Variants in PIK3C2G observed in about 807,000 individuals in gnomAD.
The protein encoded by PIK3C2G is phosphatidylinositol 3-kinase C2 domain-containing subunit gamma.
PIK3C2G carries 168 observed loss-of-function variants against 181.1 expected under a neutral mutation model. That is an observed-to-expected ratio of 0.93 (90% CI 0.82 to 1.05). PIK3C2G has a LOEUF of 1.05. PIK3C2G is among the 50% of genes least tolerant of loss of function. PIK3C2G has a pLI of 0.00. For synonymous variants in PIK3C2G, 573 were observed against 592.2 expected (o/e 0.97, Z 0.47); for missense variants, 1,869 against 1,732.8 (o/e 1.08, Z -1.40).
chr12:18,590,980 T>G (rs1399505079), intron 29 of PIK3C2G, among the ~76,000 whole-genome samples: 1 of 151,946 alleles, frequency 6.6e-6, no homozygotes, highest in Non-Finnish European at 1.5e-5. Context: ...TATTGAAGTT[T>G]AATAACCATT....
At chr12:18,555,861 T>A (rs1944982484) in intron 26 of PIK3C2G, among the ~76,000 whole-genome samples, 1 of 152,164 alleles carries the variant, frequency 6.6e-6, no homozygotes, top group Admixed American at 6.5e-5. Flanking sequence ...ATGAGTAGAA[T>A]TCTTCAGTTA....
At chr12:18,555,134 C>T (rs913730537) in intron 26 of PIK3C2G, among the ~76,000 whole-genome samples, 5 of 152,032 alleles carry the variant, frequency 3.3e-5, no homozygotes, top group African/African-American at 1.2e-4. Context: ...AGAGACTGAC[C>T]ATTGAAACAG....
At chr12:18,705,391 A>C in the PIK3C2G span, 1 of 1,540,766 alleles carries the variant, frequency 6.5e-7, no homozygotes, top group Admixed American at 1.7e-5. Context: ...TAAGTGCTTA[A>C]TGTATTTTAA....
intron 18 of PIK3C2G, among the ~76,000 whole-genome samples, chr12:18,464,567 T>C (rs1236595250): frequency 6.6e-6 from 1 of 152,128 alleles, no homozygotes; most frequent in Admixed American, 6.6e-5. Context: ...ATTCATTTAA[T>C]CTTTCTCATC....
chr12:18,615,724 A>G (rs564451755), intron 31 of PIK3C2G, among the ~76,000 whole-genome samples: 1 of 151,954 alleles, frequency 6.6e-6, no homozygotes, highest in South Asian at 2.1e-4. Flanking sequence ...TCAAAATCCT[A>G]TTCAACAGTC....
At chr12:18,274,143 T>C (rs1388844802) in intron 1 of PIK3C2G, among the ~76,000 whole-genome samples, 1 of 152,018 alleles carries the variant, frequency 6.6e-6, no homozygotes, top group East Asian at 1.9e-4. Context: ...CATTAAAAAG[T>C]CAGGAAACAA....
intron 32 of PIK3C2G, among the ~76,000 whole-genome samples, chr12:18,644,420 A>G (rs1950008632): frequency 6.6e-6 from 1 of 152,208 alleles, no homozygotes; most frequent in Non-Finnish European, 1.5e-5. Context: ...TGACAGAATT[A>G]CATGCTTATA....
At chr12:18,256,022 A>G (rs1237621168) in intron 1 of PIK3C2G, among the ~76,000 whole-genome samples, 1 of 152,196 alleles carries the variant, frequency 6.6e-6, no homozygotes, top group Non-Finnish European at 1.5e-5. Flanking sequence ...TATAGTAACC[A>G]AAACATTGTT....
At chr12:18,438,848 C>T (rs1020302211) in intron 18 of PIK3C2G, among the ~76,000 whole-genome samples, 3 of 151,854 alleles carry the variant, frequency 2.0e-5, no homozygotes, top group African/African-American at 7.2e-5. Context: ...ATTACCTATA[C>T]AAGAAATACA....
the PIK3C2G span, among the ~76,000 whole-genome samples, chr12:18,661,754 A>C: frequency 6.6e-6 from 1 of 152,172 alleles, no homozygotes; most frequent in Non-Finnish European, 1.5e-5. Context: ...CAGAAAACTT[A>C]GAACTACCAT....
At chr12:18,433,610 G>A (rs753164498) in intron 18 of PIK3C2G, among the ~76,000 whole-genome samples, 3 of 152,162 alleles carry the variant, frequency 2.0e-5, no homozygotes, top group African/African-American at 4.8e-5. Flanking sequence ...AACAATAACT[G>A]AGTAATCTAC....
chr12:18,685,710 C>T, the PIK3C2G span: 1 of 499,806 alleles, frequency 2.0e-6, no homozygotes, highest in Non-Finnish European at 4.0e-6. Context: ...AGAGTCAATT[C>T]TTTATAGATA....
chr12:18,348,183 A>C (rs1939861218), intron 11 of PIK3C2G, among the ~76,000 whole-genome samples: 2 of 152,002 alleles, frequency 1.3e-5, no homozygotes, highest in Non-Finnish European at 2.9e-5. Flanking sequence ...ATGTGTGTCT[A>C]TATGTAGAGA....
intron 18 of PIK3C2G, among the ~76,000 whole-genome samples, chr12:18,437,403 G>C (rs1311549609): frequency 6.6e-6 from 1 of 151,882 alleles, no homozygotes; most frequent in African/African-American, 2.4e-5. Context: ...TAATAACTTA[G>C]AATTCTTGTA....
the PIK3C2G span, chr12:18,683,028 A>G: frequency 1.8e-6 from 1 of 549,894 alleles, no homozygotes; most frequent in Middle Eastern, 5.0e-4. Context: ...TCAGCAAACA[A>G]GAACGCCATG....
At chr12:18,701,691 C>A in the PIK3C2G span, 2 of 1,609,792 alleles carry the variant, frequency 1.2e-6, no homozygotes, top group African/African-American at 2.7e-5. Flanking sequence ...CTCCACCTTA[C>A]CACGCTTATC....
chr12:18,449,010 G>C (rs974893981), intron 18 of PIK3C2G, among the ~76,000 whole-genome samples: 2 of 152,012 alleles, frequency 1.3e-5, no homozygotes, highest in Non-Finnish European at 2.9e-5. Flanking sequence ...ACCTAGAAGA[G>C]GGATTGCTGG....
chr12:18,627,233 C>T (rs1217938315), intron 31 of PIK3C2G, among the ~76,000 whole-genome samples: 1 of 151,952 alleles, frequency 6.6e-6, no homozygotes, highest in East Asian at 1.9e-4. Flanking sequence ...GTTTTAAAAT[C>T]ATTTCTATTT....
At chr12:18,388,373 C>T (rs532128818) in intron 14 of PIK3C2G, among the ~76,000 whole-genome samples, 18 of 152,152 alleles carry the variant, frequency 1.2e-4, no homozygotes, top group Non-Finnish European at 1.5e-4. Flanking sequence ...ATGGTTCAAG[C>T]GATTCTCTCT....
Sources: allele counts gnomAD v4.1 joint callset (sites outside exome capture counted in the v4.1 genomes callset), GRCh38; gene constraint gnomAD v4.1.1; transcripts MANE v1.5; gene names NCBI Gene and HGNC (gene_info 2026-07-23, HGNC 2026-07-21).